UGT1A3: variants seen among roughly 807,000 people sequenced by gnomAD.
The protein encoded by UGT1A3 is UDP-glucuronosyltransferase 1A3.
A neutral mutation model predicts 41.0 loss-of-function variants in UGT1A3; 31 were observed. The ratio of observed to expected loss-of-function variants is 0.76; its 90% CI spans 0.57 to 1.02. The LOEUF (loss-of-function observed/expected upper bound fraction) is 1.02. UGT1A3 is among the 50% of genes least tolerant of loss of function. The probability of loss-of-function intolerance (pLI) is 0.00; values close to 1 mark genes in which losing one functional copy is unlikely to be tolerated. For missense variants in UGT1A3, 737 were observed against 671.0 expected, an observed-to-expected ratio of 1.10 and a Z score of -1.09; for synonymous variants, 262 against 257.6, an observed-to-expected ratio of 1.02 and a Z score of -0.17.
In UGT1A3 at chr2:233,729,319, G is replaced by A; in HGVS notation, c.193G>A (p.Val65Met). Residue 65 changes from valine (V) to methionine (M), a missense_variant, in exon 1 of 5, where the codon GTG becomes ATG. Physicochemically the swap from Val to Met is conservative, Grantham distance 21. Transcript: ENST00000482026. ...CCAGGCAGTGGTCCTCACCCCAGAGGTGAATATGCACATCAAAGAAGAGAA... is the reference window on the plus strand; with the variant it reads ...CCAGGCAGTGGTCCTCACCCCAGAGATGAATATGCACATCAAAGAAGAGAA... ...GHQAVVLTPE[V>M]NMHIKEENFF... 6.2e-7 allele frequency: 1 copy of A among 1,614,228 alleles called. No homozygotes were observed.
At chr2:233,737,822 A>G (rs1690601410) in intron 1 of UGT1A3, among the ~76,000 whole-genome samples, 1 of 152,126 alleles carries the variant, frequency 6.6e-6, no homozygotes, top group African/African-American at 2.4e-5. Flanking sequence ...GGAGCAGAAC[A>G]AATTGGGAAC....
rs746735102 is a variant in UGT1A3 at position 233,729,233 on chromosome 2, T to C, written c.107T>C (p.Ile36Thr). The C allele has an allele frequency of 5.5e-5, 88 of 1,614,154 alleles. No homozygotes were observed. The highest frequency in any genetic ancestry group is 6.6e-5 in the South Asian group (6 of 91,082). ...AGTGGAAAGGTGTTGGTGGTGCCCATTGATGGCAGCCACTGGCTCAGCATG... is the reference window on the plus strand; with the variant it reads ...AGTGGAAAGGTGTTGGTGGTGCCCACTGATGGCAGCCACTGGCTCAGCATG... Reference protein sequence around the residue: ...AESGKVLVVPIDGSHWLSMRE... With the variant: ...AESGKVLVVPTDGSHWLSMRE... Residue 36 changes from isoleucine to threonine, a missense_variant, in exon 1 of 5, where the codon ATT becomes ACT. By Grantham distance (89) the Ile-to-Thr change is moderately conservative (BLOSUM62 -1). Transcript: ENST00000482026.
intron 1 of UGT1A3, among the ~76,000 whole-genome samples, chr2:233,762,398 T>G (rs969226920): frequency 6.6e-6 from 1 of 152,192 alleles, no homozygotes; most frequent in Non-Finnish European, 1.5e-5. Flanking sequence ...TATGTAAAAT[T>G]TTTTGGTTGC....
intron 1 of UGT1A3, among the ~76,000 whole-genome samples, chr2:233,733,062 C>T (rs1195165933): frequency 2.0e-5 from 3 of 152,118 alleles, no homozygotes; most frequent in Admixed American, 6.5e-5. Flanking sequence ...ATTTTATTCT[C>T]TTTGTAGCAA....
At chr2:233,733,854 T>G (rs1332608655) in intron 1 of UGT1A3, among the ~76,000 whole-genome samples, 12 of 152,088 alleles carry the variant, frequency 7.9e-5, no homozygotes, top group Admixed American at 7.9e-4. Flanking sequence ...CTTTTTCTAT[T>G]GATTGGAATA....
intron 1 of UGT1A3, among the ~76,000 whole-genome samples, chr2:233,739,752 C>A (rs1309875267): frequency 1.3e-5 from 2 of 152,166 alleles, no homozygotes; most frequent in Non-Finnish European, 2.9e-5. Context: ...GGACTATGGA[C>A]TTTTGAGCTA....
intron 1 of UGT1A3, among the ~76,000 whole-genome samples, chr2:233,737,497 A>G (rs1575619064): frequency 6.6e-6 from 1 of 152,008 alleles, no homozygotes. Context: ...GAAATCCCTC[A>G]CCCTCTTGCA....
At chr2:233,738,563 C>T (rs899585698) in intron 1 of UGT1A3, among the ~76,000 whole-genome samples, 1 of 152,184 alleles carries the variant, frequency 6.6e-6, no homozygotes, top group African/African-American at 2.4e-5. Context: ...GATGAGGAAT[C>T]TGTTGAGAAC....
chr2:233,754,883 G>A (rs762017567), intron 1 of UGT1A3: 29 of 1,351,538 alleles, frequency 2.1e-5, no homozygotes, highest in East Asian at 4.6e-5. Context: ...TGCTTCCCAG[G>A]GAGTTCCTCT....
At position 233,768,268 on chromosome 2, in the gene UGT1A3, T is replaced by A; in HGVS notation, c.1136T>A (p.Val379Asp). The change falls in exon 4 of 5, where the codon GTT becomes GAT. Residue 379 changes from valine to aspartate, a missense_variant. By Grantham distance (152) the Val-to-Asp change is radical. Coordinates refer to ENST00000482026, the MANE Select transcript of UGT1A3 (RefSeq NM_019093.4). ...AFITHAGSHG[V>D]YESICNGVPM... Reference sequence around the variant, plus strand: ...ATCACCCATGCTGGTTCCCATGGTGTTTATGAAAGCATATGCAATGGCGTT... The same window carrying A: ...ATCACCCATGCTGGTTCCCATGGTGATTATGAAAGCATATGCAATGGCGTT... 1 of 1,614,178 alleles carries A rather than the reference T, an allele frequency of 6.2e-7. No homozygotes were observed. The highest frequency in any genetic ancestry group is 8.5e-7 in the Non-Finnish European group (1 of 1,180,024).
intron 1 of UGT1A3, chr2:233,747,161 T>G (rs1379278040): frequency 2.1e-5 from 34 of 1,586,670 alleles, no homozygotes; most frequent in South Asian, 2.3e-5. Flanking sequence ...AGAAAACAAA[T>G]GTAGGAGGCA....
chr2:233,756,325 C>G (rs903343397), intron 1 of UGT1A3: 1 of 152,158 alleles, frequency 6.6e-6, no homozygotes, highest in Non-Finnish European at 1.5e-5. Context: ...CTCCTTTAAA[C>G]CTCTAGTCAT....
At chr2:233,742,996 A>G in intron 1 of UGT1A3, 1 of 237,696 alleles carries the variant, frequency 4.2e-6, no homozygotes, top group South Asian at 5.8e-5. Context: ...AGCAAATTGC[A>G]TACAGATATT....
At chr2:233,750,066 G>A (rs12987866) in intron 1 of UGT1A3, among the ~76,000 whole-genome samples, 28,360 of 151,834 alleles carry the variant, frequency 0.19, 3,511 homozygotes, top group South Asian at 0.3. Flanking sequence ...TTTGGAACTG[G>A]GTAACAGGCA....
chr2:233,768,215 C>T lies in UGT1A3; in HGVS notation c.1088-5C>T. The T allele has an allele frequency of 1.2e-6, 2 of 1,614,186 alleles. No individual in the cohort carries two copies. Among genetic ancestry groups the T allele is most frequent in the Admixed American group, 3.3e-5 (2 of 60,020 alleles). On this transcript the variant is annotated splice_polypyrimidine_tract_variant and splice_region_variant and intron_variant, in intron 3 of 4. Coordinates refer to ENST00000482026, the MANE Select transcript of UGT1A3 (RefSeq NM_019093.4). Reference sequence around the variant, plus strand: ...TGCTGACATCCTCCCTATTTTGCATCTCAGGTCACCCGATGACCCGTGCCT... The same window carrying T: ...TGCTGACATCCTCCCTATTTTGCATTTCAGGTCACCCGATGACCCGTGCCT...
chr2:233,772,009 A>G (rs1267109388), intron 4 of UGT1A3, among the ~76,000 whole-genome samples: 2 of 152,192 alleles, frequency 1.3e-5, no homozygotes, highest in African/African-American at 4.8e-5. Context: ...GCTACTCTGG[A>G]GGCTGAGGCA....
At chr2:233,752,890 C>A (rs537828663) in intron 1 of UGT1A3, among the ~76,000 whole-genome samples, 13 of 152,204 alleles carry the variant, frequency 8.5e-5, no homozygotes, top group Admixed American at 7.2e-4. Context: ...AACTAGCCAG[C>A]GTTGTTACAG....
chr2:233,748,148 C>A, intron 1 of UGT1A3: 1 of 1,604,918 alleles, frequency 6.2e-7, no homozygotes, highest in Non-Finnish European at 8.5e-7. Context: ...TATTTACTTA[C>A]AATTGCTTCC....
At position 233,734,054 on chromosome 2, in the gene UGT1A3, T is replaced by C. The variant is rs2078472293; in HGVS notation, c.867+4061T>C. Among the ~76,000 whole-genome samples the C allele has an allele frequency of 9.9e-5, 15 of 152,222 alleles. No homozygotes were observed. The South Asian group carries it at 3.1e-3, about 32-fold the overall frequency. The stretch of plus-strand genomic sequence containing the variant: ...CACACCAACATGGCACATGTATACA[T>C]ATGTAACAAACCTGCACATTGTGCA... On this transcript the variant is annotated intron_variant, in intron 1 of 4. Transcript: ENST00000482026.
Sources: allele counts gnomAD v4.1 joint callset (sites outside exome capture counted in the v4.1 genomes callset), GRCh38; gene constraint gnomAD v4.1.1; transcripts MANE v1.5; gene names NCBI Gene and HGNC (gene_info 2026-07-23, HGNC 2026-07-21).